Variants in KRT72 observed in about 807,000 individuals in gnomAD.
KRT72 encodes keratin, type II cytoskeletal 72.
Under a neutral mutation model 44.7 loss-of-function variants are expected in KRT72, and 44 were observed. The ratio of observed to expected loss-of-function variants is 0.98; its 90% confidence interval spans 0.77 to 1.27. KRT72 has a LOEUF of 1.27. KRT72 is among the 50% of genes most tolerant of loss of function. The pLI is 0.00. For missense variants in KRT72, 736 were observed against 667.1 expected, an observed-to-expected ratio of 1.10 and a Z score of -1.14; for synonymous variants, 302 against 280.4, an observed-to-expected ratio of 1.08 and a Z score of -0.77.
intron 2 of KRT72, among the ~76,000 whole-genome samples, chr12:52,597,799 G>A (rs775445554): frequency 1.3e-5 from 2 of 152,182 alleles, no homozygotes; most frequent in African/African-American, 2.4e-5. Flanking sequence ...GCTCTTTTAG[G>A]TAGCAAGGCA....
In KRT72 at chr12:52,590,836, C is replaced by T. The variant is rs12818575; in HGVS notation, c.1089G>A (p.Gln363=). ...IRSEIGNVKK[Q]CADLETAIAD... ...AGTGGATTAATTTCATAGAACCCAC[C>T]TGCTTCTTCACATTCCCTATCTCTG... Residue 363 remains glutamine (Q), a splice_region_variant and synonymous_variant, in exon 6 of 9, where the codon CAG becomes CAA. Coordinates refer to ENST00000293745, the MANE Select transcript of KRT72 (RefSeq NM_080747.3). 0.24 allele frequency: 382,712 copies of T among 1,567,424 alleles called. 49,430 individuals are homozygous for T. Among genetic ancestry groups the T allele is most frequent in the South Asian group, 0.33 (28,274 of 85,046 alleles).
At chr12:52,595,747 C>T (rs1183020363) in intron 2 of KRT72, among the ~76,000 whole-genome samples, 1 of 152,148 alleles carries the variant, frequency 6.6e-6, no homozygotes, top group African/African-American at 2.4e-5. Flanking sequence ...GTTTCCAGTT[C>T]TTTCTGATCC....
intron 2 of KRT72, among the ~76,000 whole-genome samples, chr12:52,593,746 T>C (rs1940138927): frequency 1.3e-5 from 2 of 152,136 alleles, no homozygotes; most frequent in African/African-American, 2.4e-5. Flanking sequence ...TTTTGCTAAG[T>C]GAAAGAAGCC....
chr12:52,601,165 GC>G lies in KRT72; in HGVS notation c.287del (p.Gly96AlafsTer37), dbSNP rs754302246. ...PKCPSVCPPG[G>X]IPQVTVNKSL... ...TCTTGTTGACGGTGACCTGAGGGATGCCCCCGGGTGGGCACACGGAGGGACA... is the reference window on the plus strand; with the variant it reads ...TCTTGTTGACGGTGACCTGAGGGATGCCCCGGGTGGGCACACGGAGGGACA... On this transcript the variant is annotated frameshift_variant, in exon 1 of 9. Coordinates refer to ENST00000293745, the MANE Select transcript of KRT72 (RefSeq NM_080747.3). LOFTEE classifies it high-confidence loss of function. The G allele has an allele frequency of 1.9e-6, 3 of 1,613,410 alleles. No homozygotes were observed. Among genetic ancestry groups the G allele is most frequent in the Admixed American group, 3.3e-5 (2 of 59,984 alleles).
At chr12:52,598,723 G>C (rs1056302453) in intron 2 of KRT72, among the ~76,000 whole-genome samples, 175 bp downstream of exon 2, 2 of 152,038 alleles carry the variant, frequency 1.3e-5, no homozygotes, top group Non-Finnish European at 2.9e-5. Context: ...ACATTTCCTC[G>C]ACAGTTTGGA....
At chr12:52,599,997 G>A (rs1048362388) in intron 1 of KRT72, among the ~76,000 whole-genome samples, 6 of 152,116 alleles carry the variant, frequency 3.9e-5, no homozygotes, top group African/African-American at 4.8e-5. Context: ...ATCACTCACC[G>A]TCTAGACCTT....
At chr12:52,591,807 G>A (rs571997286) in intron 4 of KRT72, among the ~76,000 whole-genome samples, 179 bp from the exon 5 acceptor site, 5 of 152,202 alleles carry the variant, frequency 3.3e-5, no homozygotes, top group South Asian at 2.1e-4. Context: ...AGCCCCAAAC[G>A]CTGAGACTCC....
chr12:52,601,502 C>G (rs918416154), upstream of KRT72: 5 of 1,520,202 alleles, frequency 3.3e-6, no homozygotes, highest in African/African-American at 6.9e-5. Flanking sequence ...GGGGCGCAAA[C>G]AGCCGCTGCG....
At chr12:52,590,039 C>A (rs1322785521) in intron 6 of KRT72, among the ~76,000 whole-genome samples, 4 of 152,022 alleles carry the variant, frequency 2.6e-5, no homozygotes, top group Admixed American at 2.0e-4. Flanking sequence ...ATGCACCATG[C>A]GTGGTGAGAG....
intron 2 of KRT72, among the ~76,000 whole-genome samples, chr12:52,598,522 G>C (rs1159096049): frequency 6.6e-6 from 1 of 152,162 alleles, no homozygotes; most frequent in South Asian, 2.1e-4. Context: ...ATTCAACATG[G>C]AATAAGTTTT....
At chr12:52,588,259 T>A (rs894623527) in intron 6 of KRT72, among the ~76,000 whole-genome samples, 11 of 152,240 alleles carry the variant, frequency 7.2e-5, no homozygotes, top group African/African-American at 2.7e-4. Flanking sequence ...CCATAAATCA[T>A]GGGGAAAACA....
In KRT72 at chr12:52,591,486, G is replaced by C; in HGVS notation, c.941C>G (p.Ala314Gly). ...CACCTTGGTCTGGTACAGGGTCTCAGCCTCGGCCTTGCTCTTTAGGGCAAT... is the reference window on the plus strand; with the variant it reads ...CACCTTGGTCTGGTACAGGGTCTCACCCTCGGCCTTGCTCTTTAGGGCAAT... Reference protein sequence around the residue: ...EEIALKSKAEAETLYQTKIQE... With the variant: ...EEIALKSKAEGETLYQTKIQE... The change falls in exon 5 of 9, where the codon GCT (alanine) becomes GGT (glycine). Residue 314 changes from alanine to glycine, a missense_variant. By Grantham distance (60) the Ala-to-Gly change is moderately conservative. Transcript: ENST00000293745. The C allele has an allele frequency of 6.2e-7, 1 of 1,613,978 alleles. No individual in the cohort carries two copies. The highest frequency in any genetic ancestry group is 8.5e-7 in the Non-Finnish European group (1 of 1,179,884).
rs1201475420 is a variant in KRT72, at chr12:52,591,070, G to A, written c.964-109C>T. The A allele has an allele frequency of 6.2e-6, 7 of 1,124,070 alleles. No individual in the cohort carries two copies. The Admixed American group carries it at 1.8e-4, about 29-fold the overall frequency. The allele number at this position is 1,124,070 out of a possible 1,614,324, so 69.6% of individuals were successfully genotyped here. A position where few individuals can be genotyped will look rare whatever the true frequency, so the allele number is the denominator to read the frequency against. ...CTGCCCTAGTTCAACAAGATCCTCA[G>A]GTTCTCAAACATGAGAGCCTTGGCA... On this transcript the variant is annotated intron_variant, in intron 5 of 8. Transcript: ENST00000293745.
chr12:52,597,100 G>A (rs910578422), intron 2 of KRT72, among the ~76,000 whole-genome samples: 3 of 152,190 alleles, frequency 2.0e-5, no homozygotes, highest in African/African-American at 7.2e-5. Context: ...GAGTGATGTG[G>A]CTATTACAAT....
At chr12:52,588,244 A>G (rs1348536353) in intron 6 of KRT72, among the ~76,000 whole-genome samples, 2 of 152,256 alleles carry the variant, frequency 1.3e-5, no homozygotes, top group Non-Finnish European at 2.9e-5. Flanking sequence ...TTGTTTTAGG[A>G]GATCCCATAA....
rs764404755 is a variant in KRT72, at chr12:52,586,989, G to A, written c.1311-9C>T. 1.2e-6 allele frequency: 2 copies of A among 1,613,616 alleles called. No individual in the cohort carries two copies. Among genetic ancestry groups the A allele is most frequent in the Middle Eastern group, 3.3e-4 (2 of 6,062 alleles). On this transcript the variant is annotated splice_polypyrimidine_tract_variant and intron_variant, in intron 7 of 8. Coordinates refer to ENST00000293745, the MANE Select transcript of KRT72 (RefSeq NM_080747.3). ...GATATTCGCCAGACATCCTGAAGAA[G>A]GAGAAGAAAAACAGGTAAATCCCCC... is the stretch of plus-strand genomic sequence containing the variant.
chr12:52,597,933 G>A (rs924074752), intron 2 of KRT72, among the ~76,000 whole-genome samples: 42 of 152,166 alleles, frequency 2.8e-4, no homozygotes, highest in African/African-American at 9.7e-4. Context: ...AGTCTGAAAG[G>A]CCCAGAGATA....
chr12:52,586,037 T>A lies in KRT72; in HGVS notation c.1481A>T (p.Asp494Val), dbSNP rs1266938312. ...TKGSCGSELKDPLAKTSGSSC... is the reference protein window; with the variant it reads ...TKGSCGSELKVPLAKTSGSSC... ...GCTCCCCGAGGTTTTGGCAAGGGGATCCTTGAGCTCACTGCCACAGCTGCC... is the reference window on the plus strand; with the variant it reads ...GCTCCCCGAGGTTTTGGCAAGGGGAACCTTGAGCTCACTGCCACAGCTGCC... The change falls in exon 9 of 9, where the codon GAT becomes GTT. Residue 494 changes from aspartate (D) to valine (V), a missense_variant. Transcript: ENST00000293745. 1 of 1,614,144 alleles carries A rather than the reference T, an allele frequency of 6.2e-7. No homozygotes were observed.
At chr12:52,595,235 G>A (rs935753686) in intron 2 of KRT72, among the ~76,000 whole-genome samples, 1 of 151,630 alleles carries the variant, frequency 6.6e-6, no homozygotes, top group Admixed American at 6.6e-5. Flanking sequence ...AAGTTTTATA[G>A]CATTATTAAC....
Sources: gnomAD v4.1 joint callset for allele counts (sites outside exome capture counted in the v4.1 genomes callset) on GRCh38, gnomAD v4.1.1 for gene constraint, MANE v1.5 for transcripts, NCBI Gene and HGNC (gene_info 2026-07-23, HGNC 2026-07-21) for gene names.